The following C2orf92 variants were observed in gnomAD, a reference collection of about 807,000 sequenced individuals.
C2orf92 encodes the protein uncharacterized protein C2orf92.
At chr2:97,667,526 G>C, upstream of C2orf92, among the ~76,000 whole-genome samples, 1 of 147,838 alleles carries the variant, frequency 6.8e-6, no homozygotes, top group South Asian at 2.2e-4. Flanking sequence ...TCCGCCTCCC[G>C]GGTTCATGCC....
chr2:97,701,736 T>C (rs7595676), intron 7 of C2orf92, among the ~76,000 whole-genome samples: 150,453 of 152,356 alleles, frequency 0.99, 74,296 homozygotes, highest in Middle Eastern at 1. Context: ...GGCACAGCTG[T>C]CCTGCTTGTT....
intron 3 of C2orf92, among the ~76,000 whole-genome samples, chr2:97,676,481 G>C (rs1262367425): frequency 6.7e-6 from 1 of 149,952 alleles, no homozygotes; most frequent in Non-Finnish European, 1.5e-5. Flanking sequence ...CCCCTTGGCC[G>C]GGTGCGGTGC....
At chr2:97,692,943 A>C (rs56381875) in intron 5 of C2orf92, among the ~76,000 whole-genome samples, 4,231 of 152,296 alleles carry the variant, frequency 0.028, 191 homozygotes, top group African/African-American at 0.096. Flanking sequence ...ACACACATAC[A>C]TGTAAATATG....
At position 97,683,329 on chromosome 2, in the gene C2orf92, A is replaced by AACT. The variant is rs529163062; in HGVS notation, c.233-5563_233-5561dup. Among the ~76,000 whole-genome samples, 338 of 152,262 alleles carry AACT rather than the reference A, an allele frequency of 2.2e-3. 1 individual carries two copies. The highest frequency in any genetic ancestry group is 7.9e-3 in the African/African-American group (328 of 41,544). ...GTGAAAGACTTATACCAGTACTGAAAACTACAAAGCACTGATAAAAGAAAA... is the reference window on the plus strand; with the variant it reads ...GTGAAAGACTTATACCAGTACTGAAAACTACTACAAAGCACTGATAAAAGAAAA... On this transcript the variant is annotated intron_variant, in intron 3 of 7. Transcript: ENST00000627399.
chr2:97,673,964 C>T (rs926515868), intron 1 of C2orf92, among the ~76,000 whole-genome samples: 2 of 152,120 alleles, frequency 1.3e-5, no homozygotes, highest in African/African-American at 4.8e-5. Context: ...GAGGGCAGTC[C>T]GTGTGTTGCC....
intron 3 of C2orf92, among the ~76,000 whole-genome samples, chr2:97,684,394 G>A (rs1274436444): frequency 1.3e-5 from 2 of 152,120 alleles, no homozygotes; most frequent in Admixed American, 6.5e-5. Context: ...CAGTCTCTTC[G>A]ACAAATGGTC....
At chr2:97,673,408 AGT>A (rs1675478115) in intron 1 of C2orf92, among the ~76,000 whole-genome samples, 1 of 152,102 alleles carries the variant, frequency 6.6e-6, no homozygotes. Flanking sequence ...CTCATGAGCT[AGT>A]GTTTCCTAGA....
At chr2:97,664,826 A>G (rs1467720079), upstream of C2orf92, 1 of 152,196 alleles carries the variant, frequency 6.6e-6, no homozygotes, top group Non-Finnish European at 1.5e-5. Context: ...CCTCCCGCTT[A>G]GTCTTTCCAA....
At chr2:97,696,437 A>G (rs1676307547) in intron 5 of C2orf92, among the ~76,000 whole-genome samples, 1 of 147,564 alleles carries the variant, frequency 6.8e-6, no homozygotes, top group Non-Finnish European at 1.5e-5. Flanking sequence ...GTGACCATTC[A>G]AAAAAAAAAG....
chr2:97,692,503 A>G (rs565250696), intron 5 of C2orf92, among the ~76,000 whole-genome samples: 57 of 141,334 alleles, frequency 4.0e-4, no homozygotes, highest in African/African-American at 1.9e-4. Flanking sequence ...TCCTCCTCCC[A>G]GGTTCAAGTG....
intron 7 of C2orf92, chr2:97,702,064 CATGT>C (rs1182612555): frequency 6.6e-6 from 1 of 152,312 alleles, no homozygotes; most frequent in African/African-American, 2.4e-5. Flanking sequence ...TCCCCAGGGA[CATGT>C]ATTCCTGACC....
At chr2:97,696,786 G>A (rs978293644) in intron 5 of C2orf92, among the ~76,000 whole-genome samples, 21 of 152,288 alleles carry the variant, frequency 1.4e-4, no homozygotes, top group Non-Finnish European at 4.4e-5. Flanking sequence ...CTCGATAGGA[G>A]GAGGAGTGGG....
At chr2:97,666,543 A>G (rs1675235675), upstream of C2orf92, among the ~76,000 whole-genome samples, 1 of 150,718 alleles carries the variant, frequency 6.6e-6, no homozygotes, top group African/African-American at 2.4e-5. Flanking sequence ...AAAAAAAAAA[A>G]AAAAAAAGAT....
chr2:97,673,593 A>G (rs1284040094), intron 1 of C2orf92, among the ~76,000 whole-genome samples: 5 of 151,896 alleles, frequency 3.3e-5, no homozygotes, highest in Non-Finnish European at 7.4e-5. Context: ...ACCCACCCTT[A>G]CCAGCAGGGC....
chr2:97,696,148 A>G (rs1247742558), intron 5 of C2orf92, among the ~76,000 whole-genome samples: 1 of 152,266 alleles, frequency 6.6e-6, no homozygotes, highest in African/African-American at 2.4e-5. Flanking sequence ...ACTATTAGAT[A>G]TAAACATGCT....
At chr2:97,669,616 T>C (rs938052437), upstream of C2orf92, 5 of 391,722 alleles carry the variant, frequency 1.3e-5, no homozygotes, top group Middle Eastern at 1.3e-3. Flanking sequence ...CCCCCGTCAC[T>C]GTCCACAGAC....
At chr2:97,676,442 AAAAAAAG>A (rs1403024236) in intron 3 of C2orf92, among the ~76,000 whole-genome samples, 5 of 115,524 alleles carry the variant, frequency 4.3e-5, no homozygotes, top group Admixed American at 8.5e-5. Context: ...TCAAAAAAAA[AAAAAAAG>A]AAAAAAAAAA....
At chr2:97,674,759 G>A (rs944082308) in intron 2 of C2orf92, among the ~76,000 whole-genome samples, 1 of 152,178 alleles carries the variant, frequency 6.6e-6, no homozygotes, top group Non-Finnish European at 1.5e-5. Context: ...AGGCTTCAGT[G>A]TGAATATCCC....
chr2:97,701,698 C>T (rs1676501817), intron 7 of C2orf92, among the ~76,000 whole-genome samples: 1 of 152,222 alleles, frequency 6.6e-6, no homozygotes. Context: ...AGAGTGAGAG[C>T]AGGGCTGATA....
Sources: gnomAD v4.1 joint callset for allele counts (sites outside exome capture counted in the v4.1 genomes callset) on GRCh38, gnomAD v4.1.1 for gene constraint, MANE v1.5 for transcripts, NCBI Gene and HGNC (gene_info 2026-07-23, HGNC 2026-07-21) for gene names.